The following DAPK2 variants were observed in gnomAD, a reference collection of about 807,000 sequenced individuals.
The protein encoded by DAPK2 is death-associated protein kinase 2.
In DAPK2, 35 loss-of-function variants were observed where a neutral mutation model predicts 44.1. The observed-to-expected ratio is 0.79, with a 90% CI of 0.61 to 1.05. The LOEUF is 1.05. Ranked by LOEUF, DAPK2 falls within the 50% of genes least tolerant of loss-of-function variation. The pLI, the probability that DAPK2 is intolerant of heterozygous loss-of-function variation, is 0.00. For missense variants in DAPK2, 453 were observed against 483.2 expected, an observed-to-expected ratio of 0.94 and a Z score of 0.59; for synonymous variants, 174 against 182.6, an observed-to-expected ratio of 0.95 and a Z score of 0.38.
chr15:63,935,115 CG>C (rs2077104645), intron 4 of DAPK2, among the ~76,000 whole-genome samples: 1 of 142,080 alleles, frequency 7.0e-6, no homozygotes, highest in Non-Finnish European at 1.5e-5. Flanking sequence ...TCCTGATACA[CG>C]GTCTCACTCT....
intron 2 of DAPK2, among the ~76,000 whole-genome samples, chr15:63,977,518 AAAAAAT>A (rs369379569): frequency 7.7e-5 from 9 of 116,382 alleles, no homozygotes; most frequent in African/African-American, 2.6e-4. Context: ...ACAGGAGTGA[AAAAAAT>A]AATGCTTTCA....
intron 1 of DAPK2, among the ~76,000 whole-genome samples, chr15:64,012,938 T>C (rs2079426109): frequency 6.6e-6 from 1 of 152,222 alleles, no homozygotes; most frequent in African/African-American, 2.4e-5. Flanking sequence ...ATATAGGGAA[T>C]GACTGTAAAA....
chr15:64,042,575 G>A (rs1266112341), upstream of DAPK2, among the ~76,000 whole-genome samples: 1 of 152,226 alleles, frequency 6.6e-6, no homozygotes, highest in Non-Finnish European at 1.5e-5. The surrounding 1 kb of genome is among the most constrained non-coding windows in gnomAD (Gnocchi z 4.7). Flanking sequence ...GCAAAATGGT[G>A]AGCCTCTGCC....
chr15:63,967,281 T>G (rs2078080688), intron 3 of DAPK2, among the ~76,000 whole-genome samples: 1 of 152,222 alleles, frequency 6.6e-6, no homozygotes, highest in Non-Finnish European at 1.5e-5. Flanking sequence ...TTTTTGTGTA[T>G]GGATAGTTGT....
chr15:63,929,874 TG>T (rs1375908004), intron 5 of DAPK2: 24 of 563,244 alleles, frequency 4.3e-5, no homozygotes, highest in Non-Finnish European at 6.8e-5. Context: ...CTTCCCCCCT[TG>T]TAAAATGAGG....
intron 3 of DAPK2, among the ~76,000 whole-genome samples, chr15:63,941,507 G>T (rs771411344): frequency 3.3e-5 from 5 of 152,188 alleles, no homozygotes; most frequent in South Asian, 2.1e-4. Flanking sequence ...TAGCTGAACT[G>T]ATAGTGAATC....
chr15:64,027,265 T>A (rs1357064767), intron 1 of DAPK2, among the ~76,000 whole-genome samples: 1 of 152,078 alleles, frequency 6.6e-6, no homozygotes, highest in Admixed American at 6.6e-5. Flanking sequence ...GTGCCTGTAA[T>A]CTCAGCTACT....
At position 64,002,916 on chromosome 15, in the gene DAPK2, C is replaced by CTGTGTGTGTG. The variant is rs3056849; in HGVS notation, c.93-19172_93-19163dup. On this transcript the variant is annotated intron_variant, in intron 1 of 10. Transcript: ENST00000261891. The stretch of plus-strand genomic sequence containing the variant: ...AGGGAGGGAGAGAAAGACTGAGACA[C>CTGTGTGTGTG]TGTGTGTGTGTGTGTGTGTGTGTGT... Among the ~76,000 whole-genome samples, 751 of 86,110 alleles carry CTGTGTGTGTG rather than the reference C, an allele frequency of 8.7e-3. 14 individuals are homozygous for CTGTGTGTGTG. The highest frequency in any genetic ancestry group is 0.033 in the South Asian group (56 of 1,678). The allele number at this position is 86,110 out of a possible 152,430, so 56.5% of individuals were successfully genotyped here. A position where few individuals can be genotyped will look rare whatever the true frequency, so the allele number is the denominator to read the frequency against.
chr15:64,046,202 G>T lies in DAPK2; in HGVS notation c.-7+96C>A. On this transcript the variant is annotated intron_variant, in intron 1 of 11. Coordinates refer to the DAPK2 transcript ENST00000457488. The surrounding 1 kb of genome is among the most constrained non-coding windows in gnomAD (Gnocchi z 5.3). ...CCGGGATCTGCGAGCGAGTGCCCCG[G>T]ATCTCTTCGCCCCGCCAGCCCCAGA... is the stretch of plus-strand genomic sequence containing the variant. 1 of 429,096 alleles carries T rather than the reference G, an allele frequency of 2.3e-6. No individual in the cohort carries two copies. The highest frequency in any genetic ancestry group is 3.1e-6 in the Non-Finnish European group (1 of 320,614). The allele number at this position is 429,096 out of a possible 1,614,324, so 26.6% of individuals were successfully genotyped here.
Position 63,931,561 on chromosome 15 carries a change from C to T in DAPK2, c.584-1106G>A, listed in dbSNP as rs560633441. 1.2e-4 allele frequency among the ~76,000 whole-genome samples: 19 copies of T among 152,262 alleles called. 1 individual carries two copies. Among genetic ancestry groups the T allele is most frequent in the Admixed American group, 1.2e-3 (19 of 15,292 alleles). On this transcript the variant is annotated intron_variant, in intron 4 of 10. Transcript: ENST00000261891. ...GTCTGGTCTGAAAGAGGGTACCTCCCACCTGAGGAGCAGGAGGACATTCCT... is the reference window on the plus strand; with the variant it reads ...GTCTGGTCTGAAAGAGGGTACCTCCTACCTGAGGAGCAGGAGGACATTCCT...
At chr15:63,963,745 G>A (rs760618023) in intron 3 of DAPK2, among the ~76,000 whole-genome samples, 17 of 152,088 alleles carry the variant, frequency 1.1e-4, no homozygotes, top group Admixed American at 3.3e-4. Flanking sequence ...AGGTTACCAT[G>A]AGGCTTGCAA....
intron 1 of DAPK2, among the ~76,000 whole-genome samples, chr15:63,985,374 T>C (rs2078641087): frequency 6.6e-6 from 1 of 152,228 alleles, no homozygotes; most frequent in Non-Finnish European, 1.5e-5. Context: ...CTAACACATA[T>C]GGTCTCTTGG....
At chr15:63,947,159 T>G (rs1405074563) in intron 3 of DAPK2, among the ~76,000 whole-genome samples, 1 of 152,082 alleles carries the variant, frequency 6.6e-6, no homozygotes, top group African/African-American at 2.4e-5. Flanking sequence ...GGAACAGCCT[T>G]CCTGACAAGC....
At chr15:63,913,636 G>A (rs893547480) in intron 8 of DAPK2, among the ~76,000 whole-genome samples, 2 of 152,154 alleles carry the variant, frequency 1.3e-5, no homozygotes, top group Admixed American at 6.5e-5. Flanking sequence ...ACACCTCCAC[G>A]CTTGATTTTT....
At chr15:63,970,617 C>T (rs1382152825) in intron 3 of DAPK2, among the ~76,000 whole-genome samples, 1 of 152,124 alleles carries the variant, frequency 6.6e-6, no homozygotes, top group Admixed American at 6.6e-5. Context: ...AGCAGCAATA[C>T]CCAAGCACCC....
intron 1 of DAPK2, among the ~76,000 whole-genome samples, chr15:64,003,427 C>A (rs1490050522): frequency 2.6e-5 from 4 of 152,240 alleles, no homozygotes; most frequent in African/African-American, 9.6e-5. Context: ...TTGCAGACTG[C>A]AAAATCATGT....
intron 1 of DAPK2, among the ~76,000 whole-genome samples, chr15:64,012,330 C>G (rs557094404): frequency 6.6e-6 from 1 of 152,294 alleles, no homozygotes; most frequent in Admixed American, 6.5e-5. Context: ...TAAATCGATG[C>G]ACTAACAATT....
At chr15:64,034,683 G>T (rs11636342) in intron 1 of DAPK2, among the ~76,000 whole-genome samples, 2 of 152,002 alleles carry the variant, frequency 1.3e-5, no homozygotes, top group African/African-American at 4.8e-5. Flanking sequence ...AACCAGCACG[G>T]TAGTCGGTAG....
intron 10 of DAPK2, chr15:63,911,669 C>G (rs73450757): frequency 0.033 from 17,813 of 546,508 alleles, 991 homozygotes; most frequent in African/African-American, 0.18. Flanking sequence ...GATGGGAGAT[C>G]CTCCAGGAGT....
Sources: allele counts gnomAD v4.1 joint callset (sites outside exome capture counted in the v4.1 genomes callset), GRCh38; gene constraint gnomAD v4.1.1; non-coding constraint Gnocchi (gnomAD v3.1); transcripts MANE v1.5; gene names NCBI Gene and HGNC (gene_info 2026-07-23, HGNC 2026-07-21).